The following CTNS variants were observed in gnomAD, a reference collection of about 807,000 sequenced individuals.
CTNS encodes cystinosin.
Under a neutral mutation model 43.7 loss-of-function variants are expected in CTNS, and 27 were observed. The observed-to-expected ratio is 0.62, with a 90% CI of 0.46 to 0.85. The LOEUF is 0.85. Ranked by LOEUF, CTNS falls within the 40% of genes least tolerant of loss-of-function variation. The probability of loss-of-function intolerance (pLI) is 0.00; values close to 1 mark genes in which losing one functional copy is unlikely to be tolerated. For missense variants in CTNS, 457 were observed against 475.4 expected (o/e 0.96, Z 0.36); for synonymous variants, 187 against 190.6 (o/e 0.98, Z 0.16).
chr17:3,644,282 G>T (rs1340125616), intron 3 of CTNS, among the ~76,000 whole-genome samples: 1 of 152,148 alleles, frequency 6.6e-6, no homozygotes, highest in Non-Finnish European at 1.5e-5. Flanking sequence ...CTCAGAGAGG[G>T]TAAGTACCTT....
chr17:3,660,118 C>A lies in CTNS; in HGVS notation c.971-118C>A, dbSNP rs912817091. On this transcript the variant is annotated intron_variant, in intron 11 of 11. Transcript: ENST00000046640. ...CCCAAGGAGAGACCCACCTAGGGGC[C>A]TTCGTAGCTGGAGGCTTTGTGGTTT... 2.5e-5 allele frequency: 37 copies of A among 1,504,438 alleles called. No individual in the cohort carries two copies. The African/African-American group carries it at 3.4e-4, about 14-fold the overall frequency. 93.2% of individuals were successfully genotyped at this position (1,504,438 alleles called of 1,614,324 possible).
At position 3,660,812 on chromosome 17, in the gene CTNS, C is replaced by G. The variant is rs2076265136; in HGVS notation, c.*443C>G. Reference sequence around the variant, plus strand: ...AGATCAAGCAGCCCGGTGCCGTGGCCAGTGAACTCAGAGGTGCTGGTGGAC... The same window carrying G: ...AGATCAAGCAGCCCGGTGCCGTGGCGAGTGAACTCAGAGGTGCTGGTGGAC... On this transcript the variant is annotated 3_prime_UTR_variant, in exon 12 of 12. Transcript: ENST00000046640. 6.3e-7 allele frequency: 1 copy of G among 1,597,252 alleles called. No homozygotes were observed. Among genetic ancestry groups the G allele is most frequent in the East Asian group, 2.3e-5 (1 of 44,016 alleles).
At position 3,648,869 on chromosome 17, in the gene CTNS, G is replaced by T; in HGVS notation, c.163G>T (p.Val55Leu). Residue 55 changes from valine (V) to leucine (L), a missense_variant, in exon 5 of 12, where the codon GTG becomes TTG. By Grantham distance (32) the Val-to-Leu change is conservative. Transcript: ENST00000046640. ...CAGGCCACCATTAAATGCAACCCTG[G>T]TGATCACTTTTGAAATCACATTTCG... Reference protein sequence around the residue: ...TLRPPLNATLVITFEITFRSK... With the variant: ...TLRPPLNATLLITFEITFRSK... 6.2e-7 allele frequency: 1 copy of T among 1,613,996 alleles called. No homozygotes were observed. The highest frequency in any genetic ancestry group is 8.5e-7 in the Non-Finnish European group (1 of 1,179,892).
At position 3,660,325 on chromosome 17, in the gene CTNS, TTC is replaced by T. The variant is rs1220714001; in HGVS notation, c.1062_1063del (p.Phe354LeufsTer10). The stretch of plus-strand genomic sequence containing the variant: ...CGACGTCGTCTTCTTCATCCAGCAC[TTC>T]TGTTTGTACAGAAAGAGACCGGGGT... Reference protein sequence around the residue: ...VFDVVFFIQHFCLYRKRPGYD... With the variant: ...VFDVVFFIQHXCLYRKRPGYD... On this transcript the variant is annotated frameshift_variant, in exon 12 of 12. Coordinates refer to ENST00000046640, the MANE Select transcript of CTNS (RefSeq NM_004937.3). LOFTEE classifies it high-confidence loss of function. The T allele has an allele frequency of 3.1e-6, 5 of 1,614,116 alleles. No individual in the cohort carries two copies. The highest frequency in any genetic ancestry group is 4.2e-6 in the Non-Finnish European group (5 of 1,180,056).
chr17:3,639,166 C>A (rs937205619), intron 2 of CTNS, among the ~76,000 whole-genome samples: 3 of 152,140 alleles, frequency 2.0e-5, no homozygotes, highest in Admixed American at 2.0e-4. Flanking sequence ...GCCCGTGAGA[C>A]TGTGTACTGA....
chr17:3,654,847 A>G (rs2076086386), intron 5 of CTNS, 151 bp from the exon 6 acceptor site: 5 of 729,294 alleles, frequency 6.9e-6, no homozygotes, highest in Non-Finnish European at 1.3e-5. Flanking sequence ...TGGTGGGCGC[A>G]GCGTCTCTCC....
At chr17:3,647,090 G>A (rs1389495777) in intron 3 of CTNS, among the ~76,000 whole-genome samples, 1 of 152,168 alleles carries the variant, frequency 6.6e-6, no homozygotes, top group African/African-American at 2.4e-5. Context: ...GGTGGTTCAC[G>A]GCTGCCTTTT....
chr17:3,648,706 T>G, intron 4 of CTNS, 141 bp from the exon 5 acceptor site: 2 of 749,938 alleles, frequency 2.7e-6, no homozygotes, highest in Admixed American at 1.9e-5. Context: ...GATTTCCACC[T>G]GGCTACCCAT....
At chr17:3,655,595 C>A in intron 7 of CTNS, 5 of 455,426 alleles carry the variant, frequency 1.1e-5, no homozygotes, top group East Asian at 9.1e-5. Context: ...AAAGGGGCTC[C>A]TTAGTTTAGT....
At chr17:3,643,055 C>T (rs1022374568) in intron 3 of CTNS, among the ~76,000 whole-genome samples, 1 of 152,154 alleles carries the variant, frequency 6.6e-6, no homozygotes, top group Admixed American at 6.5e-5. Flanking sequence ...TGGCTCACGC[C>T]TGTAATCCCA....
At chr17:3,651,235 C>T (rs1388055225) in intron 5 of CTNS, among the ~76,000 whole-genome samples, 1 of 151,458 alleles carries the variant, frequency 6.6e-6, no homozygotes, top group African/African-American at 2.4e-5. Context: ...GCTGGGATTA[C>T]AGGCACACAC....
At chr17:3,653,150 G>T (rs1348717845) in intron 5 of CTNS, among the ~76,000 whole-genome samples, 2 of 152,188 alleles carry the variant, frequency 1.3e-5, no homozygotes, top group Admixed American at 6.5e-5. Context: ...GGTGGCTCAC[G>T]CCTGTAATCC....
At chr17:3,660,121 C>T in intron 11 of CTNS, 115 bp from the exon 12 acceptor site, 9 of 1,512,064 alleles carry the variant, frequency 6.0e-6, no homozygotes, top group Middle Eastern at 4.6e-4. Flanking sequence ...TAGGGGCCTT[C>T]GTAGCTGGAG....
intron 5 of CTNS, among the ~76,000 whole-genome samples, chr17:3,651,158 A>G (rs1343485160): frequency 6.6e-6 from 1 of 151,624 alleles, no homozygotes; most frequent in Non-Finnish European, 1.5e-5. Flanking sequence ...GCAATGGCGC[A>G]ATCTCAGCTC....
At chr17:3,659,249 G>T (rs1201590233) in intron 10 of CTNS, among the ~76,000 whole-genome samples, 1 of 152,180 alleles carries the variant, frequency 6.6e-6, no homozygotes, top group East Asian at 1.9e-4. Context: ...CAGCATGGGA[G>T]GACGTGGGGC....
Position 3,660,416 on chromosome 17 carries a change from G to C in CTNS, c.*47G>C, listed in dbSNP as rs1384450694. On this transcript the variant is annotated 3_prime_UTR_variant, in exon 12 of 12. Coordinates refer to ENST00000046640, the MANE Select transcript of CTNS (RefSeq NM_004937.3). ...CAGCCTCTGGCCTCGTGCCCTGCTG[G>C]GGAAGGCCTCACCCAGCGAAGGCCG... The C allele has an allele frequency of 6.2e-7, 1 of 1,613,970 alleles. No homozygotes were observed. The highest frequency in any genetic ancestry group is 8.5e-7 in the Non-Finnish European group (1 of 1,180,050).
Position 3,641,384 on chromosome 17 carries a change from AT to A in CTNS, c.61+1142del, listed in dbSNP as rs869072123. ...CATATATATATATATATATATATAT[AT>A]TTTTTTTTTTTTTTTTTTTTTTTTG... On this transcript the variant is annotated intron_variant, in intron 3 of 11. Transcript: ENST00000046640. Among the ~76,000 whole-genome samples, 27 of 31,184 alleles carry A rather than the reference AT, an allele frequency of 8.7e-4. No homozygotes were observed. In the East Asian group the frequency reaches 0.017, roughly 20 times the overall value. The allele number at this position is 31,184 out of a possible 152,430, so 20.5% of individuals were successfully genotyped here. A position where few individuals can be genotyped will look rare whatever the true frequency, so the allele number is the denominator to read the frequency against.
intron 3 of CTNS, among the ~76,000 whole-genome samples, chr17:3,640,565 G>A (rs1050586419): frequency 6.6e-6 from 1 of 152,242 alleles, no homozygotes; most frequent in Non-Finnish European, 1.5e-5. Context: ...GATTCTCAAA[G>A]TCAAACGGTA....
rs2076260376 is a variant in CTNS, at chr17:3,660,558, GCCT to G, written c.*192_*194del. On this transcript the variant is annotated 3_prime_UTR_variant, in exon 12 of 12. Coordinates refer to ENST00000046640, the MANE Select transcript of CTNS (RefSeq NM_004937.3). The stretch of plus-strand genomic sequence containing the variant: ...CTGCCTTCGTCCGGGCCCCTCCTGG[GCCT>G]CCCCGGCCAGGCACGTGGCACCGTC... 6.2e-7 allele frequency: 1 copy of G among 1,612,874 alleles called. No homozygotes were observed. The highest frequency in any genetic ancestry group is 1.3e-5 in the African/African-American group (1 of 74,940).
Sources: allele counts gnomAD v4.1 joint callset (sites outside exome capture counted in the v4.1 genomes callset), GRCh38; gene constraint gnomAD v4.1.1; transcripts MANE v1.5; gene names NCBI Gene and HGNC (gene_info 2026-07-23, HGNC 2026-07-21).